The following VIT variants were observed in gnomAD, a reference collection of about 807,000 sequenced individuals.
The protein encoded by VIT is vitrin.
VIT carries 99 observed loss-of-function variants against 78.0 expected under a neutral mutation model. The ratio of observed to expected loss-of-function variants is 1.27; its 90% CI spans 1.08 to 1.50. The LOEUF is 1.50. Among genes scored for constraint, VIT ranks in the 40% most tolerant of loss-of-function variants. The pLI is 0.00. For missense variants in VIT, 1,126 were observed against 875.3 expected (o/e 1.29, Z -3.61); for synonymous variants, 374 against 334.3 (o/e 1.12, Z -1.29).
At chr2:36,699,080 C>G (rs1399939737) in intron 1 of VIT, among the ~76,000 whole-genome samples, 10 of 152,004 alleles carry the variant, frequency 6.6e-5, no homozygotes, top group African/African-American at 2.4e-4. Flanking sequence ...GATGCTGTGT[C>G]CACATGTGCA....
At chr2:36,735,695 G>A (rs1667471960) in intron 3 of VIT, among the ~76,000 whole-genome samples, 1 of 152,232 alleles carries the variant, frequency 6.6e-6, no homozygotes, top group African/African-American at 2.4e-5. Context: ...AGCTGCTAGG[G>A]CAAGGGACAT....
At chr2:36,748,934 T>A (rs1668295160) in intron 4 of VIT, among the ~76,000 whole-genome samples, 1 of 152,232 alleles carries the variant, frequency 6.6e-6, no homozygotes, top group Admixed American at 6.5e-5. Flanking sequence ...TAGTCAATCA[T>A]CTTGACGCCC....
intron 7 of VIT, 64 bp downstream of exon 7, chr2:36,767,349 C>T (rs1558554025): frequency 7.1e-7 from 1 of 1,408,504 alleles, no homozygotes; most frequent in East Asian, 2.8e-5. Flanking sequence ...TTTAGAGTAA[C>T]AGCTCTGTCT....
At chr2:36,750,507 C>T (rs1668391106) in intron 4 of VIT, among the ~76,000 whole-genome samples, 1 of 152,152 alleles carries the variant, frequency 6.6e-6, no homozygotes, top group Non-Finnish European at 1.5e-5. Flanking sequence ...GTAAATTTGA[C>T]CTCACCAAAG....
At chr2:36,722,261 G>C (rs1416694840) in intron 2 of VIT, among the ~76,000 whole-genome samples, 1 of 152,062 alleles carries the variant, frequency 6.6e-6, no homozygotes, top group Admixed American at 6.6e-5. Flanking sequence ...GGAGCAAGTG[G>C]AGTAAAGAGG....
chr2:36,709,713 T>C (rs1573117982), intron 1 of VIT, among the ~76,000 whole-genome samples: 1 of 152,106 alleles, frequency 6.6e-6, no homozygotes, highest in African/African-American at 2.4e-5. Context: ...ATAATGTGAA[T>C]GTGAGCCAAG....
intron 3 of VIT, among the ~76,000 whole-genome samples, chr2:36,735,799 C>A (rs1011288381): frequency 4.3e-4 from 66 of 152,332 alleles, no homozygotes; most frequent in African/African-American, 1.6e-3. Flanking sequence ...AAGCCCAATC[C>A]CCTGAAACAA....
rs765683371 is a variant in VIT at position 36,743,271 on chromosome 2, G to C, written c.275+15G>C. 6.3e-7 allele frequency: 1 copy of C among 1,588,960 alleles called. No individual in the cohort carries two copies. Among genetic ancestry groups the C allele is most frequent in the Non-Finnish European group, 8.6e-7 (1 of 1,162,026 alleles). On this transcript the variant is annotated intron_variant, in intron 4 of 15. Coordinates refer to ENST00000379242, the MANE Select transcript of VIT (RefSeq NM_053276.4). ...GCCGTACACAGGTGAGTGGTTCTGA[G>C]CTACTTAATAACTAACTAGAAATCA...
In VIT at chr2:36,801,214, T is replaced by G. The variant is rs922689131; in HGVS notation, c.1059-87T>G. 1.1e-5 allele frequency: 13 copies of G among 1,193,834 alleles called. No homozygotes were observed. The East Asian group carries it at 3.0e-4, about 28-fold the overall frequency. 74.0% of individuals were successfully genotyped at this position (1,193,834 alleles called of 1,614,324 possible). ...AAGGCTTTGAAGCAGCTTCTATTTG[T>G]ATATAAAAGAATCAACCATGATCTC... On this transcript the variant is annotated intron_variant, in intron 12 of 15. Transcript: ENST00000379242.
chr2:36,761,215 C>G (rs1669099263), intron 6 of VIT, among the ~76,000 whole-genome samples: 1 of 152,194 alleles, frequency 6.6e-6, no homozygotes. Context: ...ACGAATGACT[C>G]TCTTAAAGCA....
chr2:36,812,921 T>A (rs1266019440), intron 15 of VIT, among the ~76,000 whole-genome samples: 1 of 145,350 alleles, frequency 6.9e-6, no homozygotes, highest in African/African-American at 2.6e-5. Flanking sequence ...AGTGCAGCGG[T>A]GCCATCTCGG....
intron 1 of VIT, among the ~76,000 whole-genome samples, chr2:36,709,230 T>C (rs1372148050): frequency 6.6e-6 from 1 of 152,194 alleles, no homozygotes; most frequent in Non-Finnish European, 1.5e-5. Flanking sequence ...GCACGTACTA[T>C]GAAACAGCTA....
At chr2:36,762,255 C>A (rs137870456) in intron 6 of VIT, among the ~76,000 whole-genome samples, 1 of 152,272 alleles carries the variant, frequency 6.6e-6, no homozygotes, top group East Asian at 1.9e-4. Flanking sequence ...TATAAACTAG[C>A]AAGAGCCAAG....
At chr2:36,813,052 A>T (rs1053158959) in intron 15 of VIT, among the ~76,000 whole-genome samples, 11 of 149,972 alleles carry the variant, frequency 7.3e-5, no homozygotes, top group Admixed American at 4.0e-4. Flanking sequence ...AAAAAAAAAA[A>T]AAAATAGGAT....
chr2:36,744,338 T>C (rs1668011509), intron 4 of VIT, among the ~76,000 whole-genome samples: 1 of 152,162 alleles, frequency 6.6e-6, no homozygotes, highest in Non-Finnish European at 1.5e-5. Context: ...AATGGGTATA[T>C]ATAGTCAGCA....
At chr2:36,773,284 C>T (rs1389086963) in intron 7 of VIT, among the ~76,000 whole-genome samples, 1 of 151,374 alleles carries the variant, frequency 6.6e-6, no homozygotes, top group Non-Finnish European at 1.5e-5. Flanking sequence ...GTTATTATTA[C>T]CTGTAGTTTT....
chr2:36,746,665 T>C (rs996313184), intron 4 of VIT, among the ~76,000 whole-genome samples: 21 of 152,128 alleles, frequency 1.4e-4, no homozygotes, highest in African/African-American at 5.1e-4. Flanking sequence ...TCATTTCAGA[T>C]TGTGCATTTT....
At chr2:36,731,860 C>T (rs948708492) in intron 3 of VIT, among the ~76,000 whole-genome samples, 2 of 152,160 alleles carry the variant, frequency 1.3e-5, no homozygotes, top group African/African-American at 4.8e-5. Flanking sequence ...AATTTAGGTA[C>T]CTTGAAATCA....
chr2:36,789,803 G>C (rs961094460), intron 12 of VIT, among the ~76,000 whole-genome samples: 10 of 152,142 alleles, frequency 6.6e-5, no homozygotes, highest in Admixed American at 5.9e-4. Flanking sequence ...TCTTTGTGTT[G>C]TAGTGAGGAA....
Sources: gnomAD v4.1 joint callset for allele counts (sites outside exome capture counted in the v4.1 genomes callset) on GRCh38, gnomAD v4.1.1 for gene constraint, MANE v1.5 for transcripts, NCBI Gene and HGNC (gene_info 2026-07-23, HGNC 2026-07-21) for gene names.